PAK3: variants seen among roughly 807,000 people sequenced by gnomAD.
PAK3 encodes the protein p21 (RAC1) activated kinase 3, also known as serine/threonine-protein kinase PAK 3.
Under a neutral mutation model 41.0 loss-of-function variants are expected in PAK3, and 4 were observed. That is an observed-to-expected ratio of 0.10 (90% confidence interval 0.05 to 0.22). The LOEUF is 0.22. Ranked by LOEUF, PAK3 falls within the 10% of genes least tolerant of loss-of-function variation. The probability of loss-of-function intolerance (pLI) is 1.00; values close to 1 mark genes in which losing one functional copy is unlikely to be tolerated. For missense variants in PAK3, 205 were observed against 409.9 expected, an observed-to-expected ratio of 0.50 and a Z score of 4.32; for synonymous variants, 146 against 139.6, an observed-to-expected ratio of 1.05 and a Z score of -0.32.
intron 5 of PAK3, among the ~76,000 whole-genome samples, chrX:111,140,191 C>A (rs1222026761): frequency 8.9e-6 from 1 of 111,886 alleles, no homozygotes; most frequent in Non-Finnish European, 1.9e-5. Context: ...TAGGGAATTA[C>A]CTAACATGAG....
chrX:111,009,923 A>T (rs184341543), intron 1 of PAK3, among the ~76,000 whole-genome samples: 1 of 112,153 alleles, frequency 8.9e-6, no homozygotes, highest in Admixed American at 9.4e-5. Flanking sequence ...AGCAAGTGAC[A>T]AAACCCATGC....
chrX:111,091,785 C>T (rs780242316), upstream of PAK3, among the ~76,000 whole-genome samples: 35 of 112,166 alleles, frequency 3.1e-4, no homozygotes, highest in Middle Eastern at 9.2e-3. Context: ...TTGTAGTGAG[C>T]GGCCCTGAGT....
chrX:111,105,701 AAC>A (rs1463274994), intron 4 of PAK3, among the ~76,000 whole-genome samples: 3 of 111,600 alleles, frequency 2.7e-5, no homozygotes, highest in Non-Finnish European at 5.7e-5. Context: ...CATACATAGA[AAC>A]ACACATTTTG....
chrX:111,211,031 G>A (rs939735874), intron 16 of PAK3, among the ~76,000 whole-genome samples: 5 of 111,898 alleles, frequency 4.5e-5, no homozygotes, highest in Non-Finnish European at 9.4e-5. Context: ...TGCTTGAAAA[G>A]CAAGTTTACC....
At chrX:111,081,300 A>T (rs1210238917) in intron 1 of PAK3, among the ~76,000 whole-genome samples, 1 of 111,381 alleles carries the variant, frequency 9.0e-6, no homozygotes, top group Non-Finnish European at 1.9e-5. Flanking sequence ...CTTGAGCTCA[A>T]GAGTTAGAGA....
At chrX:111,097,226 G>T (rs774791532) in intron 1 of PAK3, among the ~76,000 whole-genome samples, 164 bp from the exon 2 acceptor site, 3 of 101,295 alleles carry the variant, frequency 3.0e-5, no homozygotes, top group Non-Finnish European at 4.0e-5. Flanking sequence ...CGCACTTTTG[G>T]GTGAACTGAA....
rs2090967829 is a variant in PAK3 at position 110,961,006 on chromosome X, T to A, written c.-28+16378T>A. On this transcript the variant is annotated intron_variant, in intron 1 of 14. Coordinates refer to the PAK3 transcript ENST00000425146. ...CAGCAATTCTCATGTGTCAATATAT[T>A]TTTTTTCCTATTTAACCCTATATTA... Among the ~76,000 whole-genome samples, 4 of 111,410 alleles carry A rather than the reference T, an allele frequency of 3.6e-5. No individual in the cohort carries two copies. The South Asian group carries it at 1.5e-3, about 43-fold the overall frequency.
At chrX:111,177,787 G>A (rs73541138) in intron 11 of PAK3, among the ~76,000 whole-genome samples, 11,385 of 111,347 alleles carry the variant, frequency 0.1, 1,348 homozygotes, top group African/African-American at 0.34. Context: ...GTAACAGAGG[G>A]CTGAATTTAC....
chrX:110,997,961 G>A (rs981612377), intron 1 of PAK3, among the ~76,000 whole-genome samples: 3 of 111,597 alleles, frequency 2.7e-5, no homozygotes, highest in Non-Finnish European at 5.6e-5. Context: ...CTTGATCTTG[G>A]ACGTTCTAGC....
At chrX:111,122,243 G>A (rs1283402618) in intron 4 of PAK3, among the ~76,000 whole-genome samples, 2 of 80,792 alleles carry the variant, frequency 2.5e-5, no homozygotes, top group African/African-American at 4.8e-5. Context: ...GCCACAGGGT[G>A]AGACTCCATC....
intron 4 of PAK3, among the ~76,000 whole-genome samples, chrX:111,118,865 T>C (rs1469654488): frequency 1.8e-5 from 2 of 111,973 alleles, no homozygotes; most frequent in Non-Finnish European, 1.9e-5. Flanking sequence ...TATTAAGCCA[T>C]GAGCAATTGA....
chrX:111,113,717 C>G (rs1215311139), intron 4 of PAK3, among the ~76,000 whole-genome samples: 15 of 110,541 alleles, frequency 1.4e-4, no homozygotes, highest in Non-Finnish European at 2.8e-4. Flanking sequence ...GTGCTGCACC[C>G]ATTAACTCGT....
At chrX:111,146,527 C>T in intron 6 of PAK3, 1 of 1,142,209 alleles carries the variant, frequency 8.8e-7, no homozygotes, top group Non-Finnish European at 1.2e-6. Context: ...ACAGCCAGAT[C>T]TCTATGGCTC....
At chrX:111,115,200 A>G (rs773845901) in intron 4 of PAK3, among the ~76,000 whole-genome samples, 13 of 112,467 alleles carry the variant, frequency 1.2e-4, no homozygotes, top group Middle Eastern at 4.6e-3. Flanking sequence ...ACCAGGTAGT[A>G]AAATAATAAG....
intron 1 of PAK3, among the ~76,000 whole-genome samples, chrX:111,088,532 C>T (rs1337773): frequency 8.7e-4 from 97 of 112,026 alleles, no homozygotes; most frequent in African/African-American, 3.1e-3. Context: ...ATTTTAGTCA[C>T]ACTGTGAGCC....
At position 111,123,108 on chromosome X, in the gene PAK3, C is replaced by T; in HGVS notation, c.5C>T (p.Ser2Phe). Residue 2 changes from serine (S) to phenylalanine (F), a missense_variant, in exon 5 of 18, where the codon TCT becomes TTT. Physicochemically the swap from Ser to Phe is radical, Grantham distance 155. Around this residue, in one of 5 missense-constraint regions of PAK3, gnomAD observed 26 missense variants for 27.4 expected, o/e 0.95. Transcript: ENST00000372007. ...TGAAATTAGTTGTAACTGAAAATGTCTGACGGTCTGGATAATGAAGAGAAA... is the reference window on the plus strand; with the variant it reads ...TGAAATTAGTTGTAACTGAAAATGTTTGACGGTCTGGATAATGAAGAGAAA... The part of the protein sequence containing the change: M[S>F]DGLDNEEKPP... 8.3e-7 allele frequency: 1 copy of T among 1,201,488 alleles called. No homozygotes were observed. Among genetic ancestry groups the T allele is most frequent in the Non-Finnish European group, 1.1e-6 (1 of 886,570 alleles).
intron 11 of PAK3, among the ~76,000 whole-genome samples, chrX:111,174,308 G>C (rs2094381746): frequency 9.0e-6 from 1 of 111,190 alleles, no homozygotes; most frequent in Admixed American, 9.6e-5. Flanking sequence ...GTTTGGGCTA[G>C]AGAAAAGGAG....
intron 1 of PAK3, among the ~76,000 whole-genome samples, chrX:110,945,620 TCTTA>T (rs770949046): frequency 1.2e-3 from 132 of 112,225 alleles, no homozygotes; most frequent in African/African-American, 3.7e-3. Context: ...TGTCTTCAGG[TCTTA>T]CTTACTACAG....
intron 1 of PAK3, among the ~76,000 whole-genome samples, chrX:111,006,116 C>T (rs1296589352): frequency 8.9e-6 from 1 of 111,855 alleles, no homozygotes; most frequent in Non-Finnish European, 1.9e-5. Flanking sequence ...AGTCCCCTCC[C>T]TCAGAGATTA....
Sources: gnomAD v4.1 joint callset for allele counts (sites outside exome capture counted in the v4.1 genomes callset) on GRCh38, gnomAD v4.1.1 for gene constraint, gnomAD v4.1.1 regional missense constraint, MANE v1.5 for transcripts, NCBI Gene and HGNC (gene_info 2026-07-23, HGNC 2026-07-21) for gene names.